STXBP4: variants seen among roughly 807,000 people sequenced by gnomAD.
The protein encoded by STXBP4 is syntaxin-binding protein 4.
A neutral mutation model predicts 76.1 loss-of-function variants in STXBP4; 55 were observed. That is an observed-to-expected ratio of 0.72 (90% CI 0.58 to 0.91). The LOEUF (loss-of-function observed/expected upper bound fraction) is 0.91. Ranked by LOEUF, STXBP4 falls within the 40% of genes least tolerant of loss-of-function variation. The pLI is 0.00. For synonymous variants in STXBP4, 201 were observed against 220.2 expected, an observed-to-expected ratio of 0.91 and a Z score of 0.77; for missense variants, 618 against 636.9, an observed-to-expected ratio of 0.97 and a Z score of 0.32.
chr17:55,204,313 T>C, the STXBP4 span, among the ~76,000 whole-genome samples: 1 of 152,244 alleles, frequency 6.6e-6, no homozygotes, highest in South Asian at 2.1e-4. Context: ...GCTTAAATTC[T>C]CCATTTTGTC....
intron 16 of STXBP4, among the ~76,000 whole-genome samples, chr17:55,096,016 A>G (rs2079480193): frequency 6.6e-6 from 1 of 152,180 alleles, no homozygotes; most frequent in Non-Finnish European, 1.5e-5. Flanking sequence ...GTGAAATATG[A>G]TGACCTCTCT....
chr17:54,985,319 TAGG>T (rs2077611342), intron 1 of STXBP4, among the ~76,000 whole-genome samples: 1 of 152,116 alleles, frequency 6.6e-6, no homozygotes, highest in South Asian at 2.1e-4. Context: ...GAGTTCTAGT[TAGG>T]AGAAGAAAAA....
chr17:55,014,140 G>C (rs867888443), intron 8 of STXBP4, among the ~76,000 whole-genome samples: 1 of 152,028 alleles, frequency 6.6e-6, no homozygotes, highest in South Asian at 2.1e-4. Context: ...CAATTTTTTT[G>C]AGTCCTTGTT....
At chr17:55,182,704 G>A in the STXBP4 span, among the ~76,000 whole-genome samples, 128,708 of 151,816 alleles carry the variant, frequency 0.85, 55,035 homozygotes, top group African/African-American at 0.94. Context: ...AGAAAATATT[G>A]AAAGCAGACA....
At chr17:55,000,770 A>G (rs369463754) in intron 6 of STXBP4, 38 bp from the exon 7 acceptor site, 8 of 1,325,796 alleles carry the variant, frequency 6.0e-6, no homozygotes, top group Non-Finnish European at 6.5e-6. Context: ...GACCTACTTT[A>G]GTAAATGACA....
chr17:55,115,510 T>C (rs1342922146), intron 16 of STXBP4, among the ~76,000 whole-genome samples: 1 of 151,888 alleles, frequency 6.6e-6, no homozygotes. Context: ...AGTTTTCTTC[T>C]AAAGAGTGTG....
At chr17:55,058,760 T>G (rs2081441218) in intron 12 of STXBP4, among the ~76,000 whole-genome samples, 1 of 152,190 alleles carries the variant, frequency 6.6e-6, no homozygotes, top group African/African-American at 2.4e-5. Context: ...CCCAGTATTT[T>G]TATCATAACT....
At chr17:55,119,346 CT>C (rs2079818151) in intron 16 of STXBP4, among the ~76,000 whole-genome samples, 1 of 152,036 alleles carries the variant, frequency 6.6e-6, no homozygotes, top group Non-Finnish European at 1.5e-5. Context: ...TTAGAGAGAT[CT>C]GATAATGGTG....
downstream of STXBP4, among the ~76,000 whole-genome samples, chr17:55,178,045 C>T (rs2080437359): frequency 1.3e-5 from 2 of 152,090 alleles, no homozygotes; most frequent in South Asian, 4.1e-4. Flanking sequence ...TCACATTTTT[C>T]CCGAGGATAA....
chr17:55,067,394 T>C (rs1172880584), intron 12 of STXBP4, among the ~76,000 whole-genome samples: 2 of 152,150 alleles, frequency 1.3e-5, no homozygotes, highest in Non-Finnish European at 2.9e-5. Context: ...GAAGGACAAG[T>C]AACAACTAAA....
At chr17:55,116,601 C>T (rs1196821380) in intron 16 of STXBP4, among the ~76,000 whole-genome samples, 2 of 151,710 alleles carry the variant, frequency 1.3e-5, no homozygotes, top group South Asian at 2.1e-4. Context: ...TGTAAACTTC[C>T]TTATATATAA....
At chr17:55,139,277 G>T (rs2080069002) in intron 16 of STXBP4, among the ~76,000 whole-genome samples, 1 of 152,144 alleles carries the variant, frequency 6.6e-6, no homozygotes, top group Non-Finnish European at 1.5e-5. Context: ...TAGATTAAAA[G>T]ATACTGTCTT....
intron 16 of STXBP4, among the ~76,000 whole-genome samples, chr17:55,092,055 G>C (rs1032308260): frequency 5.3e-5 from 8 of 152,158 alleles, no homozygotes; most frequent in African/African-American, 1.9e-4. Context: ...AAGTAACTCA[G>C]GAATGGAAAG....
rs147788267 is a variant in STXBP4 at position 55,130,329 on chromosome 17, A to C, written c.1490-10981A>C. Among the ~76,000 whole-genome samples, 6 of 152,302 alleles carry C rather than the reference A, an allele frequency of 3.9e-5. No homozygotes were observed. In the East Asian group the frequency reaches 1.2e-3, roughly 29 times the overall value. On this transcript the variant is annotated intron_variant, in intron 16 of 17. Coordinates refer to ENST00000376352, the MANE Select transcript of STXBP4 (RefSeq NM_178509.6). ...TAAATTTGTGGTAATATGTTATGCA[A>C]CAGTAGAAAACTGTTGCTATAAAAG...
intron 9 of STXBP4, 30 bp downstream of exon 9, chr17:55,031,294 C>T (rs1598234238): frequency 6.8e-7 from 1 of 1,479,402 alleles, no homozygotes; most frequent in East Asian, 2.3e-5. Flanking sequence ...GTTGTATTAT[C>T]ACTGAATCAT....
intron 16 of STXBP4, among the ~76,000 whole-genome samples, chr17:55,094,890 A>G (rs1353622829): frequency 6.6e-6 from 1 of 152,206 alleles, no homozygotes; most frequent in Non-Finnish European, 1.5e-5. Flanking sequence ...ACAAAAACAA[A>G]TATCTAGTGT....
At chr17:55,043,615 C>G in intron 11 of STXBP4, 2 of 1,549,472 alleles carry the variant, frequency 1.3e-6, no homozygotes, top group Non-Finnish European at 1.7e-6. Flanking sequence ...TCATTAGTGG[C>G]CAGGGCAGAA....
At chr17:55,143,522 G>A (rs1254503466) in intron 17 of STXBP4, among the ~76,000 whole-genome samples, 2 of 152,224 alleles carry the variant, frequency 1.3e-5, no homozygotes, top group Non-Finnish European at 2.9e-5. Context: ...TGGTCAGCCA[G>A]AGAGTTGGTT....
At chr17:55,066,055 C>T (rs910957849) in intron 12 of STXBP4, among the ~76,000 whole-genome samples, 1 of 152,124 alleles carries the variant, frequency 6.6e-6, no homozygotes. Context: ...AGATATCCAT[C>T]ATTATTACAC....
Sources: allele counts gnomAD v4.1 joint callset (sites outside exome capture counted in the v4.1 genomes callset), GRCh38; gene constraint gnomAD v4.1.1; transcripts MANE v1.5; gene names NCBI Gene and HGNC (gene_info 2026-07-23, HGNC 2026-07-21).